NAALADL2: variants seen among roughly 807,000 people sequenced by gnomAD.
NAALADL2 encodes the protein N-acetylated alpha-linked acidic dipeptidase like 2.
In NAALADL2, 76 loss-of-function variants were observed where a neutral mutation model predicts 87.2. The observed-to-expected ratio is 0.87, with a 90% CI of 0.72 to 1.05. NAALADL2 has a LOEUF of 1.05. Among genes scored for constraint, NAALADL2 ranks in the 50% least tolerant of loss-of-function variants. The probability of loss-of-function intolerance (pLI) is 0.00; values close to 1 mark genes in which losing one functional copy is unlikely to be tolerated. For synonymous variants in NAALADL2, 354 were observed against 331.0 expected, an observed-to-expected ratio of 1.07 and a Z score of -0.75; for missense variants, 1,089 against 945.8, an observed-to-expected ratio of 1.15 and a Z score of -1.99.
intron 3 of NAALADL2, among the ~76,000 whole-genome samples, chr3:174,808,250 T>C (rs1247491484): frequency 6.6e-6 from 1 of 152,082 alleles, no homozygotes; most frequent in Non-Finnish European, 1.5e-5. Flanking sequence ...TTTCACAATA[T>C]AAAAATTGAA....
At chr3:175,779,482 G>A (rs752863203) in intron 13 of NAALADL2, among the ~76,000 whole-genome samples, 1 of 151,440 alleles carries the variant, frequency 6.6e-6, no homozygotes, top group Non-Finnish European at 1.5e-5. Flanking sequence ...TCTTTAAAGT[G>A]TTCTTCCTAC....
At chr3:174,726,915 C>G (rs1228385378) in intron 2 of NAALADL2, among the ~76,000 whole-genome samples, 1 of 151,958 alleles carries the variant, frequency 6.6e-6, no homozygotes, top group African/African-American at 2.4e-5. Context: ...CATGCTAGCC[C>G]CTTTCTGATT....
chr3:175,024,648 A>T (rs530108292), intron 1 of NAALADL2, among the ~76,000 whole-genome samples: 1 of 152,254 alleles, frequency 6.6e-6, no homozygotes, highest in South Asian at 2.1e-4. Flanking sequence ...TTTTTAACTA[A>T]ATCTAAGACA....
At chr3:175,762,630 T>A (rs1583149231) in intron 13 of NAALADL2, among the ~76,000 whole-genome samples, 1 of 152,312 alleles carries the variant, frequency 6.6e-6, no homozygotes, top group South Asian at 2.1e-4. Context: ...AAGTTCTCTT[T>A]CCCCAGAATC....
chr3:175,437,823 A>G (rs114734226), intron 5 of NAALADL2, among the ~76,000 whole-genome samples: 1,566 of 152,274 alleles, frequency 0.01, 20 homozygotes, highest in African/African-American at 0.035. Context: ...TTCTTTTAGT[A>G]TCAGAATGCA....
intron 11 of NAALADL2, among the ~76,000 whole-genome samples, chr3:175,724,475 A>G (rs1742667541): frequency 6.6e-6 from 1 of 152,144 alleles, no homozygotes; most frequent in Non-Finnish European, 1.5e-5. Context: ...TCACACATCA[A>G]AGGATCTAAA....
intron 1 of NAALADL2, among the ~76,000 whole-genome samples, chr3:175,021,936 G>A (rs1356883057): frequency 6.6e-6 from 1 of 151,988 alleles, no homozygotes; most frequent in East Asian, 1.9e-4. Flanking sequence ...CCGGTGGGAG[G>A]TGTTTAGGTC....
intron 1 of NAALADL2, among the ~76,000 whole-genome samples, chr3:174,934,068 C>T (rs1237160355): frequency 1.3e-5 from 2 of 152,080 alleles, no homozygotes; most frequent in African/African-American, 4.8e-5. Context: ...CTGTAAATGA[C>T]TTGCTGTGTC....
At chr3:175,604,178 C>T (rs1333183369) in intron 10 of NAALADL2, among the ~76,000 whole-genome samples, 1 of 152,030 alleles carries the variant, frequency 6.6e-6, no homozygotes, top group Non-Finnish European at 1.5e-5. Context: ...CAAAGGGTTC[C>T]AATGTCTCCA....
chr3:174,711,895 G>A (rs1730668399), intron 2 of NAALADL2, among the ~76,000 whole-genome samples: 1 of 152,144 alleles, frequency 6.6e-6, no homozygotes, highest in Non-Finnish European at 1.5e-5. Flanking sequence ...TGCCTCCTGG[G>A]TTCAAGAGAT....
At chr3:174,705,034 A>G (rs1477977886) in intron 2 of NAALADL2, among the ~76,000 whole-genome samples, 1 of 152,186 alleles carries the variant, frequency 6.6e-6, no homozygotes, top group African/African-American at 2.4e-5. Context: ...AACAAGCAAA[A>G]TCATTATTTA....
chr3:174,974,480 A>G (rs1744102678), intron 1 of NAALADL2, among the ~76,000 whole-genome samples: 1 of 152,218 alleles, frequency 6.6e-6, no homozygotes, highest in Non-Finnish European at 1.5e-5. Flanking sequence ...TTAAGTAGAC[A>G]TGTTAATACT....
intron 2 of NAALADL2, among the ~76,000 whole-genome samples, chr3:174,674,660 A>C (rs1726877786): frequency 6.6e-6 from 1 of 152,170 alleles, no homozygotes; most frequent in African/African-American, 2.4e-5. Context: ...AGCAGGTGCG[A>C]GAAGAGGCAA....
At chr3:175,416,546 A>G (rs1450959545) in intron 5 of NAALADL2, among the ~76,000 whole-genome samples, 2 of 152,176 alleles carry the variant, frequency 1.3e-5, no homozygotes, top group Non-Finnish European at 2.9e-5. Flanking sequence ...TTTAAGAAGT[A>G]TTGTGCTAAT....
At chr3:175,051,970 C>T (rs1755456800) in intron 1 of NAALADL2, among the ~76,000 whole-genome samples, 1 of 152,192 alleles carries the variant, frequency 6.6e-6, no homozygotes, top group South Asian at 2.1e-4. Flanking sequence ...GACACACACA[C>T]AGGAATATAG....
intron 2 of NAALADL2, among the ~76,000 whole-genome samples, chr3:174,659,735 T>A (rs1725332003): frequency 6.6e-6 from 1 of 152,194 alleles, no homozygotes; most frequent in Non-Finnish European, 1.5e-5. Context: ...TGGGGCTATG[T>A]CTGATAAATG....
chr3:175,497,097 A>G (rs534409828), intron 9 of NAALADL2, among the ~76,000 whole-genome samples: 9 of 152,202 alleles, frequency 5.9e-5, no homozygotes, highest in African/African-American at 2.2e-4. Flanking sequence ...TTTTAGAGAC[A>G]GGTTCTCACT....
Position 175,097,142 on chromosome 3 carries a change from C to T in NAALADL2, c.396C>T (p.Ala132=). The T allele has an allele frequency of 6.2e-7, 1 of 1,613,760 alleles. No homozygotes were observed. The highest frequency in any genetic ancestry group is 2.2e-5 in the East Asian group (1 of 44,880). Residue 132 remains alanine (A), a synonymous_variant, in exon 2 of 14, where the codon GCC becomes GCT. Coordinates refer to ENST00000454872, the MANE Select transcript of NAALADL2 (RefSeq NM_207015.3). ...FCHVLKILCT[A]TILFIFGILI... ...ACGTCTTAAAAATACTTTGCACAGC[C>T]ACCATTTTATTTATTTTTGGGATTT...
At chr3:175,264,720 G>T (rs1164645700) in intron 4 of NAALADL2, among the ~76,000 whole-genome samples, 3 of 151,436 alleles carry the variant, frequency 2.0e-5, no homozygotes, top group Admixed American at 2.0e-4. Context: ...TCATAAGATG[G>T]TACATGCTTT....
Sources: allele counts gnomAD v4.1 joint callset (sites outside exome capture counted in the v4.1 genomes callset), GRCh38; gene constraint gnomAD v4.1.1; transcripts MANE v1.5; gene names NCBI Gene and HGNC (gene_info 2026-07-23, HGNC 2026-07-21).